Variants in CLVS1 observed in about 807,000 individuals in gnomAD.
CLVS1 encodes the protein clavesin 1, also known as clavesin-1.
Under a neutral mutation model 33.1 loss-of-function variants are expected in CLVS1, and 10 were observed. The observed-to-expected ratio is 0.30, with a 90% CI of 0.19 to 0.51. CLVS1 has a LOEUF of 0.51. CLVS1 is among the 20% of genes least tolerant of loss of function. CLVS1 has a pLI of 0.97. For synonymous variants in CLVS1, 163 were observed against 166.1 expected (o/e 0.98, Z 0.14); for missense variants, 343 against 433.4 (o/e 0.79, Z 1.85).
chr8:60,986,210 T>G, the CLVS1 span, among the ~76,000 whole-genome samples: 1 of 152,362 alleles, frequency 6.6e-6, no homozygotes, highest in African/African-American at 2.4e-5. Context: ...CTTGCCACTT[T>G]GTTTCTACTA....
chr8:61,323,754 C>G (rs1019794138), intron 2 of CLVS1, among the ~76,000 whole-genome samples: 3 of 151,980 alleles, frequency 2.0e-5, no homozygotes, highest in Non-Finnish European at 4.4e-5. Flanking sequence ...ATTTCATCAC[C>G]CAGGTATTAA....
At chr8:61,304,275 A>G (rs1011862008) in intron 2 of CLVS1, among the ~76,000 whole-genome samples, 27 of 152,246 alleles carry the variant, frequency 1.8e-4, no homozygotes, top group Admixed American at 9.2e-4. Context: ...ACAGTGAGCA[A>G]TGGGAAACAC....
In CLVS1 at chr8:61,066,596, C is replaced by T. The variant is rs564132634; in HGVS notation, c.-243+9366C>T. ...TGTGTCCTTCTCTACCCCACCTCCT[C>T]CCAATACATTTCTACTCCACAGTCC... On this transcript the variant is annotated intron_variant, in intron 1 of 2. Coordinates refer to the CLVS1 transcript ENST00000522621. Among the ~76,000 whole-genome samples, 530 of 152,304 alleles carry T rather than the reference C, an allele frequency of 3.5e-3. 3 individuals are homozygous for T. Among genetic ancestry groups the T allele is most frequent in the Non-Finnish European group, 4.9e-3 (333 of 68,030 alleles).
chr8:61,131,790 A>C (rs1485202267), exon 2 of CLVS1: 1 of 152,156 alleles, frequency 6.6e-6, no homozygotes, highest in African/African-American at 2.4e-5. Context: ...AGGGAATGGA[A>C]GATGAGGAGA....
chr8:61,270,475 C>CT (rs1809414114), intron 2 of CLVS1, among the ~76,000 whole-genome samples: 1 of 152,070 alleles, frequency 6.6e-6, no homozygotes, highest in South Asian at 2.1e-4. Flanking sequence ...CTAAAATTCC[C>CT]TTTTTTTGTT....
chr8:61,115,882 A>G (rs1484002162), intron 1 of CLVS1, among the ~76,000 whole-genome samples: 2 of 146,916 alleles, frequency 1.4e-5, no homozygotes, highest in Non-Finnish European at 3.0e-5. Context: ...TCCTTTGGGT[A>G]TATACCCAGT....
chr8:61,077,680 T>A (rs1804946553), intron 1 of CLVS1, among the ~76,000 whole-genome samples: 1 of 151,654 alleles, frequency 6.6e-6, no homozygotes, highest in South Asian at 2.1e-4. Flanking sequence ...TTCACTGTGT[T>A]GGTCAAATGA....
intron 1 of CLVS1, among the ~76,000 whole-genome samples, chr8:61,128,599 G>A (rs144677948): frequency 4.6e-5 from 7 of 152,236 alleles, no homozygotes; most frequent in East Asian, 3.8e-4. Context: ...GGGCCACCAA[G>A]TGTGACATCA....
chr8:61,165,822 TAAC>T (rs1806851209), intron 2 of CLVS1, among the ~76,000 whole-genome samples: 1 of 152,240 alleles, frequency 6.6e-6, no homozygotes, highest in African/African-American at 2.4e-5. Context: ...TCTCTTCAAA[TAAC>T]TTACAGAGTT....
chr8:61,452,274 G>C (rs1816990253), intron 3 of CLVS1, among the ~76,000 whole-genome samples: 2 of 152,170 alleles, frequency 1.3e-5, no homozygotes, highest in Non-Finnish European at 2.9e-5. Context: ...CTACTGTCAA[G>C]TATTATTTAG....
chr8:61,103,681 T>A (rs1274946485), intron 1 of CLVS1, among the ~76,000 whole-genome samples: 2 of 152,238 alleles, frequency 1.3e-5, no homozygotes, highest in East Asian at 3.8e-4. Flanking sequence ...GACGAATCAC[T>A]GTTTTAACTT....
chr8:61,409,606 G>T (rs749489720), intron 3 of CLVS1, among the ~76,000 whole-genome samples: 37 of 152,198 alleles, frequency 2.4e-4, no homozygotes, highest in Non-Finnish European at 4.3e-4. Flanking sequence ...CAATGCAGCA[G>T]TGAATGTTTG....
chr8:61,164,879 G>A (rs1251106086), intron 2 of CLVS1, among the ~76,000 whole-genome samples: 1 of 152,158 alleles, frequency 6.6e-6, no homozygotes, highest in East Asian at 1.9e-4. Flanking sequence ...GAACCCTGAT[G>A]TTCCTCCAGT....
At chr8:61,271,244 C>A (rs1809431443) in intron 2 of CLVS1, among the ~76,000 whole-genome samples, 1 of 150,284 alleles carries the variant, frequency 6.7e-6, no homozygotes, top group African/African-American at 2.5e-5. Flanking sequence ...CAAAGAACAT[C>A]TTTATTTCTG....
At chr8:61,379,145 G>A (rs1421050242) in intron 3 of CLVS1, among the ~76,000 whole-genome samples, 10 of 152,200 alleles carry the variant, frequency 6.6e-5, no homozygotes, top group Admixed American at 5.2e-4. Context: ...GGGAGGTTGT[G>A]AGGGAGGGAG....
At chr8:61,343,560 A>C (rs955632965) in intron 2 of CLVS1, among the ~76,000 whole-genome samples, 1 of 152,238 alleles carries the variant, frequency 6.6e-6, no homozygotes, top group East Asian at 1.9e-4. Context: ...TCTTTTAAGC[A>C]AATCTGAGTA....
At chr8:61,401,934 T>G (rs911756735) in intron 3 of CLVS1, among the ~76,000 whole-genome samples, 3 of 152,164 alleles carry the variant, frequency 2.0e-5, no homozygotes, top group African/African-American at 7.2e-5. Flanking sequence ...GCACATATTT[T>G]CATGCTAGAA....
upstream of CLVS1, among the ~76,000 whole-genome samples, chr8:61,283,223 G>C (rs1318722802): frequency 6.6e-6 from 1 of 152,134 alleles, no homozygotes; most frequent in African/African-American, 2.4e-5. Context: ...GATAACAGTG[G>C]TTATGCCACC....
At chr8:61,412,863 CT>C (rs931430142) in intron 3 of CLVS1, among the ~76,000 whole-genome samples, 2 of 152,190 alleles carry the variant, frequency 1.3e-5, no homozygotes, top group African/African-American at 4.8e-5. Context: ...AATTTGTTAG[CT>C]TTTCCTAAAC....
Sources: gnomAD v4.1 joint callset for allele counts (sites outside exome capture counted in the v4.1 genomes callset) on GRCh38, gnomAD v4.1.1 for gene constraint, MANE v1.5 for transcripts, NCBI Gene and HGNC (gene_info 2026-07-23, HGNC 2026-07-21) for gene names.